WWC2: variants seen among roughly 807,000 people sequenced by gnomAD.
The protein encoded by WWC2 is WW and C2 domain containing 2, also known as protein WWC2.
A neutral mutation model predicts 138.5 loss-of-function variants in WWC2; 101 were observed. The observed-to-expected ratio is 0.73, with a 90% CI of 0.62 to 0.86. WWC2 has a LOEUF of 0.86. WWC2 is among the 40% of genes least tolerant of loss of function. The probability of loss-of-function intolerance (pLI) is 0.00; values close to 1 mark genes in which losing one functional copy is unlikely to be tolerated. For missense variants in WWC2, 1,420 were observed against 1,419.4 expected, an observed-to-expected ratio of 1.00 and a Z score of -0.01; for synonymous variants, 558 against 538.4, an observed-to-expected ratio of 1.04 and a Z score of -0.50.
intron 1 of WWC2, among the ~76,000 whole-genome samples, chr4:183,128,700 C>T (rs192445362): frequency 1.2e-4 from 19 of 152,198 alleles, no homozygotes; most frequent in East Asian, 3.9e-4. Flanking sequence ...TCAGGGCCAG[C>T]GCAATGCTTG....
At position 183,313,273 on chromosome 4, in the gene WWC2, C is replaced by T. The variant is rs183572993; in HGVS notation, c.3512+805C>T. Among the ~76,000 whole-genome samples, 387 of 152,258 alleles carry T rather than the reference C, an allele frequency of 2.5e-3. 1 individual carries two copies. Among genetic ancestry groups the T allele is most frequent in the Non-Finnish European group, 4.0e-3 (275 of 68,016 alleles). The stretch of plus-strand genomic sequence containing the variant: ...GGAAGCTGTGCAGAAGGCTTCCACC[C>T]GTGGTCTCTGACGGGCGGCCAGCAG... On this transcript the variant is annotated intron_variant, in intron 22 of 22. Coordinates refer to ENST00000403733, the MANE Select transcript of WWC2 (RefSeq NM_024949.6).
chr4:183,118,089 C>CAT (rs1561422427), intron 1 of WWC2, among the ~76,000 whole-genome samples: 1 of 152,192 alleles, frequency 6.6e-6, no homozygotes, highest in Non-Finnish European at 1.5e-5. Context: ...TGAGCCACTG[C>CAT]GCCTGGCCGG....
At chr4:183,299,741 C>T (rs560271890) in intron 21 of WWC2, among the ~76,000 whole-genome samples, 7 of 152,292 alleles carry the variant, frequency 4.6e-5, no homozygotes, top group Admixed American at 3.9e-4. Flanking sequence ...CACACTCACA[C>T]ATTGCCCTTT....
chr4:183,132,893 G>GTTA (rs745498501), intron 1 of WWC2, among the ~76,000 whole-genome samples: 1 of 151,874 alleles, frequency 6.6e-6, no homozygotes, highest in Non-Finnish European at 1.5e-5. Context: ...ACAAATGATT[G>GTTA]TTATTATTAT....
intron 21 of WWC2, among the ~76,000 whole-genome samples, chr4:183,309,594 T>C (rs1466929634): frequency 6.6e-6 from 1 of 152,248 alleles, no homozygotes; most frequent in African/African-American, 2.4e-5. Flanking sequence ...GACAAGGATG[T>C]GGAGCAACAG....
intron 10 of WWC2, 122 bp from the exon 11 acceptor site, chr4:183,260,788 G>A (rs895108750): frequency 1.5e-6 from 2 of 1,323,912 alleles, no homozygotes; most frequent in Admixed American, 2.6e-5. Flanking sequence ...CTCTGTCCCT[G>A]GCCATTGATT....
At chr4:183,196,342 C>T (rs746115475) in intron 2 of WWC2, among the ~76,000 whole-genome samples, 22 of 152,188 alleles carry the variant, frequency 1.4e-4, no homozygotes, top group Non-Finnish European at 2.6e-4. Flanking sequence ...GAGTTATTCC[C>T]TCCTGCTCTT....
At chr4:183,193,561 G>T (rs1321373659) in intron 1 of WWC2, 38 bp from the exon 2 acceptor site, 6 of 1,590,044 alleles carry the variant, frequency 3.8e-6, no homozygotes, top group Non-Finnish European at 5.2e-6. Flanking sequence ...CGGTTTGACG[G>T]AAAGAATCAC....
Position 183,320,262 on chromosome 4 carries a change from G to T in WWC2, c.*4533G>T. ...TTAGCCAAACTAACTCCTGCCCTTC[G>T]GTTGCTGTGAAAAGAAGTGTGACAC... On this transcript the variant is annotated 3_prime_UTR_variant, in exon 23 of 23. Transcript: ENST00000403733. The T allele has an allele frequency of 1.3e-6, 2 of 1,540,950 alleles. No homozygotes were observed. The highest frequency in any genetic ancestry group is 1.2e-5 in the South Asian group (1 of 81,428).
At chr4:183,126,979 C>T (rs1412769082) in intron 1 of WWC2, among the ~76,000 whole-genome samples, 1 of 151,174 alleles carries the variant, frequency 6.6e-6, no homozygotes, top group Non-Finnish European at 1.5e-5. Context: ...TCAAGGAATC[C>T]ACCCACCTCA....
intron 21 of WWC2, among the ~76,000 whole-genome samples, chr4:183,301,691 G>GATATTTTTGCTTTGAGA (rs1363440097): frequency 3.9e-5 from 6 of 152,188 alleles, no homozygotes; most frequent in Admixed American, 3.9e-4. Flanking sequence ...GTGAGTTTAG[G>GATATTTTTGCTTTGAGA]ATATTTTTGC....
chr4:183,192,620 G>A (rs2111208663), intron 1 of WWC2, among the ~76,000 whole-genome samples: 1 of 152,320 alleles, frequency 6.6e-6, no homozygotes, highest in East Asian at 1.9e-4. Context: ...TTATTCTGAT[G>A]AATGATGTGA....
chr4:183,264,096 G>A (rs988414353), intron 11 of WWC2, among the ~76,000 whole-genome samples: 6 of 152,284 alleles, frequency 3.9e-5, no homozygotes, highest in Admixed American at 1.3e-4. Context: ...GGGGGTGGGC[G>A]GAGAGAAGGC....
intron 4 of WWC2, among the ~76,000 whole-genome samples, chr4:183,235,734 T>C (rs549571006): frequency 2.0e-5 from 3 of 152,302 alleles, no homozygotes; most frequent in South Asian, 4.1e-4. Context: ...CATGCATCTG[T>C]CAATGGACAT....
chr4:183,175,411 G>A lies in WWC2; in HGVS notation c.132-18188G>A, dbSNP rs550485046. On this transcript the variant is annotated intron_variant, in intron 1 of 22. Transcript: ENST00000403733. ...CAAGTAGCTGGGACCACAGGCACACGCCACCACACCCGGTTAATTTTTTGT... is the reference window on the plus strand; with the variant it reads ...CAAGTAGCTGGGACCACAGGCACACACCACCACACCCGGTTAATTTTTTGT... Among the ~76,000 whole-genome samples, 9 of 152,116 alleles carry A rather than the reference G, an allele frequency of 5.9e-5. No individual in the cohort carries two copies. In the South Asian group the frequency reaches 1.2e-3, roughly 21 times the overall value.
intron 1 of WWC2, among the ~76,000 whole-genome samples, chr4:183,189,067 G>A (rs1157730392): frequency 6.6e-6 from 1 of 151,608 alleles, no homozygotes. Context: ...TTTTCTTGTT[G>A]CCTCCATCCA....
chr4:183,140,628 TA>T (rs546127741), intron 1 of WWC2, among the ~76,000 whole-genome samples: 34 of 152,220 alleles, frequency 2.2e-4, no homozygotes, highest in East Asian at 3.8e-4. Context: ...GTTTAGCAAG[TA>T]TTTTTTTTAC....
intron 1 of WWC2, among the ~76,000 whole-genome samples, chr4:183,157,532 G>A (rs537914183): frequency 3.9e-5 from 6 of 152,164 alleles, no homozygotes; most frequent in South Asian, 2.1e-4. Flanking sequence ...ACGGAGTCTC[G>A]CACTGTTGCC....
rs762094226 is a variant in WWC2 at position 183,265,932 on chromosome 4, A to T, written c.2188A>T (p.Ile730Leu). Residue 730 changes from isoleucine to leucine, a missense_variant, in exon 14 of 23, where the codon ATA becomes TTA. Transcript: ENST00000403733. The part of the protein sequence containing the change: ...AQLRNLHAFL[I>L]PHTSKVYFRV... ...GCTCCGAAACCTTCATGCCTTCTTG[A>T]TACCTCATACTTCAAAAGTGTAAGT... 2.4e-5 allele frequency: 38 copies of T among 1,612,666 alleles called. No individual in the cohort carries two copies. Among genetic ancestry groups the T allele is most frequent in the Non-Finnish European group, 3.2e-5 (38 of 1,179,328 alleles).
Sources: allele counts gnomAD v4.1 joint callset (sites outside exome capture counted in the v4.1 genomes callset), GRCh38; gene constraint gnomAD v4.1.1; transcripts MANE v1.5; gene names NCBI Gene and HGNC (gene_info 2026-07-23, HGNC 2026-07-21).